The following CPNE8 variants were observed in gnomAD, a reference collection of about 807,000 sequenced individuals.
The protein encoded by CPNE8 is copine 8, also known as copine-8.
Under a neutral mutation model 81.5 loss-of-function variants are expected in CPNE8, and 45 were observed. That is an observed-to-expected ratio of 0.55 (90% CI 0.44 to 0.71). CPNE8 has a LOEUF of 0.71. Ranked by LOEUF, CPNE8 falls within the 30% of genes least tolerant of loss-of-function variation. The pLI is 0.00. For missense variants in CPNE8, 594 were observed against 672.1 expected (o/e 0.88, Z 1.28); for synonymous variants, 252 against 226.3 (o/e 1.11, Z -1.02).
chr12:38,663,480 GC>G (rs1939002657), intron 19 of CPNE8, among the ~76,000 whole-genome samples: 1 of 151,996 alleles, frequency 6.6e-6, no homozygotes, highest in East Asian at 1.9e-4. Context: ...AGTTAGAATG[GC>G]TATTACCAAA....
chr12:38,783,100 T>C (rs949288627), intron 6 of CPNE8, among the ~76,000 whole-genome samples: 1 of 152,194 alleles, frequency 6.6e-6, no homozygotes, highest in Non-Finnish European at 1.5e-5. Flanking sequence ...CATAGAATAA[T>C]AAAACTCATC....
intron 10 of CPNE8, among the ~76,000 whole-genome samples, chr12:38,751,043 T>G (rs1941344756): frequency 6.6e-6 from 1 of 152,138 alleles, no homozygotes; most frequent in Non-Finnish European, 1.5e-5. Flanking sequence ...CTGATGGTTT[T>G]GAAAAATGGG....
chr12:38,725,760 C>A (rs1032901625), intron 11 of CPNE8, among the ~76,000 whole-genome samples: 7 of 152,128 alleles, frequency 4.6e-5, no homozygotes, highest in South Asian at 4.1e-4. Flanking sequence ...CCCACACAAC[C>A]GGATCAGAAG....
intron 10 of CPNE8, among the ~76,000 whole-genome samples, chr12:38,756,465 T>C (rs1463665520): frequency 6.6e-6 from 1 of 151,838 alleles, no homozygotes; most frequent in African/African-American, 2.4e-5. Context: ...GCCATCTTCC[T>C]GCCTCAGTCT....
At chr12:38,788,925 T>C (rs989194165) in intron 6 of CPNE8, among the ~76,000 whole-genome samples, 2 of 151,648 alleles carry the variant, frequency 1.3e-5, no homozygotes, top group African/African-American at 4.8e-5. Flanking sequence ...ATAAAAACTA[T>C]AGAACACTGA....
chr12:38,802,697 CAA>C (rs1396129250), intron 6 of CPNE8, among the ~76,000 whole-genome samples: 1 of 151,682 alleles, frequency 6.6e-6, no homozygotes, highest in African/African-American at 2.4e-5. Flanking sequence ...AAAACCCTTC[CAA>C]AAATCAATGA....
At chr12:38,885,342 G>C (rs560126240) in intron 1 of CPNE8, among the ~76,000 whole-genome samples, 126 of 152,108 alleles carry the variant, frequency 8.3e-4, no homozygotes, top group Middle Eastern at 6.8e-3. Context: ...TTTTATAAGA[G>C]GAAGAAATAT....
intron 5 of CPNE8, among the ~76,000 whole-genome samples, chr12:38,836,477 T>A (rs1230061459): frequency 6.6e-6 from 1 of 152,116 alleles, no homozygotes. Context: ...GAGTCTTAAG[T>A]ACCGAACACC....
At chr12:38,705,503 G>A (rs1308024925) in intron 13 of CPNE8, among the ~76,000 whole-genome samples, 2 of 152,070 alleles carry the variant, frequency 1.3e-5, no homozygotes, top group Non-Finnish European at 2.9e-5. Context: ...GTAGAAATCA[G>A]GTTTATAGGC....
intron 1 of CPNE8, among the ~76,000 whole-genome samples, chr12:38,880,493 T>A (rs574178106): frequency 6.6e-6 from 1 of 152,308 alleles, no homozygotes; most frequent in East Asian, 1.9e-4. Context: ...GCCTTTGCTC[T>A]AATAGGTAAT....
At chr12:38,753,218 G>C in intron 10 of CPNE8, among the ~76,000 whole-genome samples, 1 of 152,106 alleles carries the variant, frequency 6.6e-6, no homozygotes, top group East Asian at 1.9e-4. Context: ...TTGGGAGGCC[G>C]AGACGGGTGG....
At chr12:38,720,439 G>A (rs1055567646) in intron 13 of CPNE8, among the ~76,000 whole-genome samples, 4 of 152,024 alleles carry the variant, frequency 2.6e-5, no homozygotes, top group Admixed American at 6.5e-5. Flanking sequence ...GATTTGCACC[G>A]CTGACCGAAC....
At chr12:38,678,119 G>A (rs970927538) in intron 16 of CPNE8, among the ~76,000 whole-genome samples, 4 of 151,740 alleles carry the variant, frequency 2.6e-5, no homozygotes, top group Non-Finnish European at 5.9e-5. Context: ...GTCATTGAAT[G>A]GTATACGTTT....
At chr12:38,815,936 A>T (rs1281655218) in intron 6 of CPNE8, among the ~76,000 whole-genome samples, 1 of 152,218 alleles carries the variant, frequency 6.6e-6, no homozygotes, top group Non-Finnish European at 1.5e-5. Context: ...ATTATTGAAT[A>T]GAGTAGCATA....
intron 7 of CPNE8, among the ~76,000 whole-genome samples, chr12:38,775,973 C>T (rs775226389): frequency 1.3e-5 from 2 of 152,086 alleles, no homozygotes; most frequent in Non-Finnish European, 2.9e-5. Flanking sequence ...TATACTAATG[C>T]TTAAAAAGCA....
chr12:38,864,469 A>T (rs535294777), intron 3 of CPNE8, among the ~76,000 whole-genome samples: 82 of 150,030 alleles, frequency 5.5e-4, no homozygotes, highest in Non-Finnish European at 1.1e-3. Flanking sequence ...AAAGAAGAAG[A>T]AAAAAAAAAC....
intron 19 of CPNE8, among the ~76,000 whole-genome samples, chr12:38,666,526 G>A (rs562520032): frequency 6.6e-6 from 1 of 152,254 alleles, no homozygotes; most frequent in South Asian, 2.1e-4. Flanking sequence ...CTGTGTGACA[G>A]GCTATACGTG....
chr12:38,762,182 T>C lies in CPNE8; in HGVS notation c.610A>G (p.Asn204Asp). The C allele has an allele frequency of 6.2e-7, 1 of 1,606,118 alleles. No individual in the cohort carries two copies. Among genetic ancestry groups the C allele is most frequent in the Non-Finnish European group, 8.5e-7 (1 of 1,175,628 alleles). ...TICHKTEVVK[N>D]TLNPVWQAFK... ...GCTTGCCATACTGGATTTAGAGTGT[T>C]TTTGACAACTTCTGTCTTGTGACAA... The change falls in exon 9 of 20, where the codon AAC becomes GAC. Residue 204 changes from asparagine to aspartate, a missense_variant. Physicochemically the swap from Asn to Asp is conservative, Grantham distance 23. Coordinates refer to ENST00000331366, the MANE Select transcript of CPNE8 (RefSeq NM_153634.3).
At chr12:38,828,909 G>A (rs1943242057) in intron 6 of CPNE8, among the ~76,000 whole-genome samples, 1 of 152,084 alleles carries the variant, frequency 6.6e-6, no homozygotes, top group Admixed American at 6.5e-5. Context: ...AGATGGAATA[G>A]ACCATTCTTA....
Sources: allele counts gnomAD v4.1 joint callset (sites outside exome capture counted in the v4.1 genomes callset), GRCh38; gene constraint gnomAD v4.1.1; transcripts MANE v1.5; gene names NCBI Gene and HGNC (gene_info 2026-07-23, HGNC 2026-07-21).